Variants in RBFOX1 observed in about 807,000 individuals in gnomAD.
The protein encoded by RBFOX1 is RNA binding protein fox-1 homolog 1.
Under a neutral mutation model 57.7 loss-of-function variants are expected in RBFOX1, and 8 were observed. The observed-to-expected ratio is 0.14, with a 90% CI of 0.08 to 0.25. RBFOX1 has a LOEUF of 0.25. Among genes scored for constraint, RBFOX1 ranks in the 10% least tolerant of loss-of-function variants. The pLI, the probability that RBFOX1 is intolerant of heterozygous loss-of-function variation, is 1.00. For synonymous variants in RBFOX1, 326 were observed against 222.4 expected, an observed-to-expected ratio of 1.47 and a Z score of -4.15; for missense variants, 611 against 548.5, an observed-to-expected ratio of 1.11 and a Z score of -1.14.
intron 3 of RBFOX1, among the ~76,000 whole-genome samples, chr16:6,736,857 C>T (rs1159611610): frequency 1.3e-5 from 2 of 152,072 alleles, no homozygotes; most frequent in African/African-American, 4.8e-5. Context: ...AAGTGGGATA[C>T]CTAGAGTCTG....
chr16:5,514,653 C>G (rs1418772030), intron 2 of RBFOX1, among the ~76,000 whole-genome samples: 2 of 152,040 alleles, frequency 1.3e-5, no homozygotes, highest in Non-Finnish European at 2.9e-5. Flanking sequence ...GGATGCACAT[C>G]TCTGCCCATA....
chr16:6,646,511 C>G (rs1477125289), intron 2 of RBFOX1, among the ~76,000 whole-genome samples: 2 of 152,058 alleles, frequency 1.3e-5, no homozygotes, highest in Non-Finnish European at 2.9e-5. Context: ...AAAAATCTGC[C>G]TTTGGTTTAT....
intron 3 of RBFOX1, among the ~76,000 whole-genome samples, chr16:6,913,309 A>G (rs1034718795): frequency 1.3e-5 from 2 of 152,120 alleles, no homozygotes; most frequent in Non-Finnish European, 2.9e-5. Context: ...ATGCTGTTCA[A>G]AAGATTCAAC....
chr16:7,244,447 G>T, intron 4 of RBFOX1, among the ~76,000 whole-genome samples: 1 of 152,066 alleles, frequency 6.6e-6, no homozygotes, highest in East Asian at 1.9e-4. Context: ...TTGTCATATT[G>T]AGATCAAGTT....
intron 3 of RBFOX1, among the ~76,000 whole-genome samples, chr16:5,802,697 C>G (rs1289006710): frequency 5.3e-5 from 8 of 152,092 alleles, no homozygotes; most frequent in Admixed American, 5.2e-4. Context: ...TTGTTTTGTT[C>G]TGATATTTTA....
chr16:7,525,781 T>C (rs2078566638), intron 5 of RBFOX1, among the ~76,000 whole-genome samples: 1 of 152,200 alleles, frequency 6.6e-6, no homozygotes, highest in Non-Finnish European at 1.5e-5. Context: ...CTTGTTTTGT[T>C]ACATCAACCT....
At chr16:5,851,494 C>T (rs544990251) in intron 3 of RBFOX1, among the ~76,000 whole-genome samples, 2 of 152,206 alleles carry the variant, frequency 1.3e-5, no homozygotes, top group South Asian at 2.1e-4. Flanking sequence ...CCAGCCCTGC[C>T]GAAGAAGATG....
At chr16:5,585,279 C>G (rs1210230317) in intron 2 of RBFOX1, among the ~76,000 whole-genome samples, 1 of 152,028 alleles carries the variant, frequency 6.6e-6, no homozygotes, top group Non-Finnish European at 1.5e-5. Context: ...GTATTGGTAA[C>G]TGGCTGCTTT....
intron 1 of RBFOX1, among the ~76,000 whole-genome samples, chr16:6,241,185 C>T (rs929319769): frequency 2.6e-5 from 4 of 152,102 alleles, no homozygotes; most frequent in East Asian, 1.9e-4. Flanking sequence ...TAAAAATAAG[C>T]GAAATATGCA....
At chr16:6,228,849 T>C (rs11643190) in intron 1 of RBFOX1, among the ~76,000 whole-genome samples, 29,077 of 152,134 alleles carry the variant, frequency 0.19, 3,424 homozygotes, top group East Asian at 0.4. Context: ...TATATTAGCC[T>C]GATTTAGCCA....
chr16:6,053,849 G>T (rs542510730), intron 1 of RBFOX1, among the ~76,000 whole-genome samples: 3 of 152,166 alleles, frequency 2.0e-5, no homozygotes, highest in African/African-American at 7.2e-5. Context: ...CTTGAGCACA[G>T]GAGTTCAAGA....
chr16:5,705,592 AAG>A (rs2051213949), intron 3 of RBFOX1, among the ~76,000 whole-genome samples: 1 of 152,224 alleles, frequency 6.6e-6, no homozygotes, highest in African/African-American at 2.4e-5. Flanking sequence ...ACAGCAAACT[AAG>A]AAACATTCAA....
At chr16:5,663,286 C>G (rs994127278) in intron 3 of RBFOX1, among the ~76,000 whole-genome samples, 1 of 152,090 alleles carries the variant, frequency 6.6e-6, no homozygotes, top group Non-Finnish European at 1.5e-5. Flanking sequence ...ACATGGCTCA[C>G]TATAGCTTCA....
At chr16:7,044,774 G>A (rs1209915726) in intron 3 of RBFOX1, among the ~76,000 whole-genome samples, 3 of 152,156 alleles carry the variant, frequency 2.0e-5, no homozygotes, top group African/African-American at 7.2e-5. Context: ...TATTTTTCAA[G>A]GCTAGCTTTT....
At chr16:5,519,697 C>T (rs750376228) in intron 2 of RBFOX1, among the ~76,000 whole-genome samples, 5 of 152,170 alleles carry the variant, frequency 3.3e-5, no homozygotes, top group Non-Finnish European at 7.3e-5. Context: ...TGCACTCCAG[C>T]CTGAATGATA....
Position 5,596,571 on chromosome 16 carries a change from G to A in RBFOX1, c.259-2331G>A, listed in dbSNP as rs954860336. On this transcript the variant is annotated intron_variant, in intron 2 of 2. Coordinates refer to the RBFOX1 transcript ENST00000585867. ...ACCTGTGAGTCTGGGAGGGAGGCCC[G>A]TCTCAAAGAAAGGACCAGGCTGTAG... 3.3e-4 allele frequency among the ~76,000 whole-genome samples: 50 copies of A among 152,106 alleles called. 1 individual carries two copies. The highest frequency in any genetic ancestry group is 2.5e-4 in the Non-Finnish European group (17 of 68,026).
intron 1 of RBFOX1, among the ~76,000 whole-genome samples, chr16:5,275,121 C>T (rs1156733975): frequency 6.6e-6 from 1 of 152,202 alleles, no homozygotes; most frequent in Non-Finnish European, 1.5e-5. Context: ...TATCCAGAGA[C>T]AGCAAGGAAG....
At chr16:7,591,763 A>T (rs938104925) in intron 7 of RBFOX1, among the ~76,000 whole-genome samples, 1 of 152,208 alleles carries the variant, frequency 6.6e-6, no homozygotes. Context: ...GAGCAAGCCA[A>T]GCTCAGAATG....
At chr16:6,416,805 G>A (rs778271567) in intron 2 of RBFOX1, among the ~76,000 whole-genome samples, 4 of 152,130 alleles carry the variant, frequency 2.6e-5, no homozygotes, top group Non-Finnish European at 2.9e-5. Context: ...AGGTTGCAGT[G>A]CTGGTAATCA....
Sources: allele counts gnomAD v4.1 joint callset (sites outside exome capture counted in the v4.1 genomes callset), GRCh38; gene constraint gnomAD v4.1.1; transcripts MANE v1.5; gene names NCBI Gene and HGNC (gene_info 2026-07-23, HGNC 2026-07-21).